MALRD1: variants seen among roughly 807,000 people sequenced by gnomAD.
The protein encoded by MALRD1 is MAM and LDL-receptor class A domain-containing protein 1.
A neutral mutation model predicts 242.1 loss-of-function variants in MALRD1; 247 were observed. The observed-to-expected ratio is 1.02, with a 90% CI of 0.92 to 1.13. MALRD1 has a LOEUF of 1.13. Among genes scored for constraint, MALRD1 ranks in the 50% most tolerant of loss-of-function variants. The pLI is 0.00. For synonymous variants in MALRD1, 995 were observed against 866.6 expected, an observed-to-expected ratio of 1.15 and a Z score of -2.60; for missense variants, 2,989 against 2,533.1, an observed-to-expected ratio of 1.18 and a Z score of -3.86.
intron 28 of MALRD1, among the ~76,000 whole-genome samples, chr10:19,446,376 A>G (rs1035681727): frequency 4.9e-4 from 74 of 152,200 alleles, no homozygotes; most frequent in African/African-American, 1.7e-3. Flanking sequence ...CCCTTATTAA[A>G]TACTAAAAAC....
intron 36 of MALRD1, among the ~76,000 whole-genome samples, chr10:19,657,012 A>G (rs749724594): frequency 6.6e-6 from 1 of 152,172 alleles, no homozygotes; most frequent in Non-Finnish European, 1.5e-5. Context: ...CGGATCGAAT[A>G]ATATTTTGCC....
At chr10:19,590,145 A>G (rs1427056689) in intron 33 of MALRD1, among the ~76,000 whole-genome samples, 2 of 151,996 alleles carry the variant, frequency 1.3e-5, no homozygotes, top group African/African-American at 4.8e-5. Context: ...GAATTGCTAC[A>G]TTCTCAAATA....
chr10:19,190,054 T>G (rs892880006), intron 14 of MALRD1, among the ~76,000 whole-genome samples: 2 of 152,100 alleles, frequency 1.3e-5, no homozygotes, highest in African/African-American at 4.8e-5. Flanking sequence ...AATTTTTATA[T>G]GTAAATATCC....
At chr10:19,305,134 G>C (rs111944050) in intron 21 of MALRD1, among the ~76,000 whole-genome samples, 1 of 151,548 alleles carries the variant, frequency 6.6e-6, no homozygotes, top group East Asian at 1.9e-4. Context: ...AGTAATTGTG[G>C]TTTTTGCCAG....
chr10:19,731,175 A>ATGTTCTGT (rs1255692619), intron 39 of MALRD1, among the ~76,000 whole-genome samples: 2 of 152,190 alleles, frequency 1.3e-5, no homozygotes, highest in Non-Finnish European at 2.9e-5. Flanking sequence ...ATAGCATTCT[A>ATGTTCTGT]TGTTCTGTTT....
intron 29 of MALRD1, among the ~76,000 whole-genome samples, chr10:19,476,349 C>T (rs1484105619): frequency 6.6e-6 from 1 of 152,032 alleles, no homozygotes; most frequent in East Asian, 1.9e-4. Flanking sequence ...CATATAATAC[C>T]ATCTTGAGAC....
intron 18 of MALRD1, 53 bp from the exon 19 acceptor site, chr10:19,257,631 C>T: frequency 7.7e-7 from 1 of 1,295,906 alleles, no homozygotes; most frequent in Non-Finnish European, 1.1e-6. Flanking sequence ...AACTTAATTT[C>T]CTTTACCACA....
At chr10:19,289,677 C>G (rs1056315513) in intron 21 of MALRD1, among the ~76,000 whole-genome samples, 2 of 152,130 alleles carry the variant, frequency 1.3e-5, no homozygotes, top group Non-Finnish European at 2.9e-5. Context: ...ATATCCTACT[C>G]TATAGCTCAT....
chr10:19,326,493 A>C (rs1310468599), intron 22 of MALRD1, among the ~76,000 whole-genome samples: 1 of 152,088 alleles, frequency 6.6e-6, no homozygotes. Context: ...ATTTGTATAT[A>C]GTGTGGTATT....
chr10:19,453,131 T>C (rs1419719723), intron 29 of MALRD1, among the ~76,000 whole-genome samples: 3 of 152,202 alleles, frequency 2.0e-5, no homozygotes, highest in Admixed American at 6.5e-5. Flanking sequence ...TGCCCTGTAT[T>C]AGGAAACCAA....
chr10:19,689,037 C>A (rs74626647), intron 36 of MALRD1, among the ~76,000 whole-genome samples: 4,641 of 152,196 alleles, frequency 0.03, 178 homozygotes, highest in East Asian at 0.11. Context: ...AAAAAGTTTG[C>A]ACTAAAAATA....
At chr10:19,419,341 C>T (rs1340263790) in intron 28 of MALRD1, among the ~76,000 whole-genome samples, 2 of 152,096 alleles carry the variant, frequency 1.3e-5, no homozygotes, top group African/African-American at 4.8e-5. Context: ...GTCACCCAGG[C>T]TGGAGTGCAG....
intron 5 of MALRD1, among the ~76,000 whole-genome samples, chr10:19,122,181 G>A (rs549544524): frequency 5.9e-5 from 9 of 152,256 alleles, no homozygotes; most frequent in East Asian, 3.9e-4. Flanking sequence ...CAAGATAGGT[G>A]AGGGAAATAA....
At chr10:19,098,369 C>G (rs911736542) in intron 4 of MALRD1, among the ~76,000 whole-genome samples, 1 of 152,034 alleles carries the variant, frequency 6.6e-6, no homozygotes, top group Non-Finnish European at 1.5e-5. Context: ...CTGAAGAGTT[C>G]TCAGCAGCCT....
chr10:19,306,851 C>T (rs757084698), intron 21 of MALRD1, among the ~76,000 whole-genome samples: 7 of 151,302 alleles, frequency 4.6e-5, no homozygotes, highest in Non-Finnish European at 8.9e-5. Flanking sequence ...CACTGGATCT[C>T]GTGAGATCTC....
At chr10:19,158,831 A>G (rs1834276140) in intron 12 of MALRD1, among the ~76,000 whole-genome samples, 1 of 152,180 alleles carries the variant, frequency 6.6e-6, no homozygotes, top group African/African-American at 2.4e-5. Context: ...ATCTCTCTCA[A>G]AGAGTTTTAA....
chr10:19,687,437 C>T (rs879413189), intron 36 of MALRD1, among the ~76,000 whole-genome samples: 5 of 152,180 alleles, frequency 3.3e-5, no homozygotes, highest in African/African-American at 7.2e-5. Flanking sequence ...ACCCACTTAG[C>T]CACTCAGCTT....
chr10:19,112,416 T>C (rs1354858824), intron 5 of MALRD1, among the ~76,000 whole-genome samples: 1 of 152,142 alleles, frequency 6.6e-6, no homozygotes, highest in Non-Finnish European at 1.5e-5. Flanking sequence ...GGATAGGGCT[T>C]CTTGGATTTG....
chr10:19,237,001 A>T (rs984966127), intron 18 of MALRD1, among the ~76,000 whole-genome samples: 6 of 151,998 alleles, frequency 3.9e-5, no homozygotes, highest in African/African-American at 9.7e-5. Flanking sequence ...TTTATTTTTT[A>T]AAAATTTTCA....
Sources: allele counts gnomAD v4.1 joint callset (sites outside exome capture counted in the v4.1 genomes callset), GRCh38; gene constraint gnomAD v4.1.1; transcripts MANE v1.5; gene names NCBI Gene and HGNC (gene_info 2026-07-23, HGNC 2026-07-21).